The following PIGA variants were observed in gnomAD, a reference collection of about 807,000 sequenced individuals.
PIGA encodes the protein phosphatidylinositol N-acetylglucosaminyltransferase subunit A.
A neutral mutation model predicts 17.1 loss-of-function variants in PIGA; 3 were observed. The observed-to-expected ratio is 0.18, with a 90% confidence interval of 0.08 to 0.45. The LOEUF is 0.45. PIGA is among the 20% of genes least tolerant of loss of function. The pLI, the probability that PIGA is intolerant of heterozygous loss-of-function variation, is 0.99. For missense variants in PIGA, 231 were observed against 374.1 expected, an observed-to-expected ratio of 0.62 and a Z score of 3.16; for synonymous variants, 126 against 135.1, an observed-to-expected ratio of 0.93 and a Z score of 0.47.
rs1285564133 is a variant in PIGA at position 15,320,336 on chromosome X, T to C, written c.*1170A>G. 8.9e-6 allele frequency: 1 copy of C among 112,360 alleles called. No homozygotes were observed. Among genetic ancestry groups the C allele is most frequent in the African/African-American group, 3.2e-5 (1 of 30,887 alleles). 9.3% of individuals were successfully genotyped at this position (112,360 alleles called of 1,213,427 possible). On this transcript the variant is annotated 3_prime_UTR_variant, in exon 6 of 6. Coordinates refer to ENST00000333590, the MANE Select transcript of PIGA (RefSeq NM_002641.4). ...CATAATACACACCATGTGGATAATT[T>C]GGGGTTAAAAAACCCATGGCTCTGG...
At position 15,321,339 on chromosome X, in the gene PIGA, G is replaced by A; in HGVS notation, c.*167C>T. 1 of 433,748 alleles carries A rather than the reference G, an allele frequency of 2.3e-6. No individual in the cohort carries two copies. Among genetic ancestry groups the A allele is most frequent in the Non-Finnish European group, 4.0e-6 (1 of 251,888 alleles). The allele number at this position is 433,748 out of a possible 1,213,427, so 35.7% of individuals were successfully genotyped here. ...CAAGAAGTTTCTACACTCAGGAATT[G>A]CATACATTTTTATCTTTCCTCAACA... On this transcript the variant is annotated 3_prime_UTR_variant, in exon 6 of 6. Coordinates refer to ENST00000333590, the MANE Select transcript of PIGA (RefSeq NM_002641.4).
chrX:15,335,552 G>A, upstream of PIGA: 1 of 957,084 alleles, frequency 1.0e-6, no homozygotes, highest in East Asian at 4.1e-5. Context: ...TGCAGCCGGA[G>A]TCCCTCCCTG....
intron 2 of PIGA, among the ~76,000 whole-genome samples, chrX:15,330,610 T>C (rs1322365627): frequency 8.9e-6 from 1 of 112,107 alleles, no homozygotes; most frequent in East Asian, 2.8e-4. Flanking sequence ...TACTTCTTTT[T>C]TTTTTCTTTA....
intron 2 of PIGA, among the ~76,000 whole-genome samples, chrX:15,329,335 C>A (rs919766325): frequency 8.9e-6 from 1 of 112,299 alleles, no homozygotes; most frequent in African/African-American, 3.2e-5. Flanking sequence ...GAAAAAAGTT[C>A]TTGGCAGATG....
intron 5 of PIGA, among the ~76,000 whole-genome samples, chrX:15,322,097 G>T (rs986558809): frequency 9.0e-6 from 1 of 111,410 alleles, no homozygotes; most frequent in Non-Finnish European, 1.9e-5. Context: ...CCAAAGTCCC[G>T]CAAAGTCTGA....
chrX:15,333,541 C>T (rs1452855799), intron 1 of PIGA, among the ~76,000 whole-genome samples: 3 of 111,281 alleles, frequency 2.7e-5, no homozygotes, highest in Non-Finnish European at 5.7e-5. Flanking sequence ...ATTAGCTGGG[C>T]GTGGTGGTGC....
Position 15,320,898 on chromosome X carries a change from TA to T in PIGA, c.*607del. ...AAAGAGTGAATGCACCCCTGGTCCT[TA>T]ATGGCGGGAAGCATCTAGTTCAACA... On this transcript the variant is annotated 3_prime_UTR_variant, in exon 6 of 6. Transcript: ENST00000333590. 9.0e-6 allele frequency: 1 copy of T among 111,445 alleles called. No individual in the cohort carries two copies. 9.2% of individuals were successfully genotyped at this position (111,445 alleles called of 1,213,427 possible).
intron 5 of PIGA, among the ~76,000 whole-genome samples, chrX:15,322,715 C>G (rs1921854218): frequency 9.0e-6 from 1 of 111,703 alleles, no homozygotes; most frequent in African/African-American, 3.3e-5. Flanking sequence ...TCATCGAGCT[C>G]TTTTACCCTG....
At chrX:15,330,533 A>T (rs34315787) in intron 2 of PIGA, among the ~76,000 whole-genome samples, 13,079 of 112,089 alleles carry the variant, frequency 0.12, 832 homozygotes, top group African/African-American at 0.24. Context: ...AGTTTCCAAA[A>T]TATCTGCAAT....
At chrX:15,326,151 T>A (rs1264192801) in intron 2 of PIGA, 105 bp from the exon 3 acceptor site, 1 of 478,679 alleles carries the variant, frequency 2.1e-6, no homozygotes, top group Non-Finnish European at 3.4e-6. Flanking sequence ...AGCTATGCAC[T>A]CCATAAAGGA....
Position 15,321,738 on chromosome X carries a change from G to C in PIGA, c.1223C>G (p.Pro408Arg). ...AAGTCTGTCCAGTCGTTTGTCCATTGGCAACACAGCTTCCACTGATACCCG... is the reference window on the plus strand; with the variant it reads ...AAGTCTGTCCAGTCGTTTGTCCATTCGCAACACAGCTTCCACTGATACCCG... ...YDRVSVEAVLPMDKRLDRLIS... is the reference protein window; with the variant it reads ...YDRVSVEAVLRMDKRLDRLIS... The change falls in exon 6 of 6, where the codon CCA (proline) becomes CGA (arginine). Residue 408 changes from proline (P) to arginine (R), a missense_variant. Around this residue, in one of 5 missense-constraint regions of PIGA, gnomAD observed 88 missense variants for 100.5 expected, o/e 0.88. Transcript: ENST00000333590. The C allele has an allele frequency of 1.7e-6, 2 of 1,209,743 alleles. No homozygotes were observed. The highest frequency in any genetic ancestry group is 2.2e-6 in the Non-Finnish European group (2 of 893,698).
In PIGA at chrX:15,320,006, T is replaced by G. The variant is rs1466498211; in HGVS notation, c.*1500A>C. The G allele has an allele frequency of 8.9e-6, 1 of 112,516 alleles. No homozygotes were observed. Among genetic ancestry groups the G allele is most frequent in the African/African-American group, 3.2e-5 (1 of 30,951 alleles). 9.3% of individuals were successfully genotyped at this position (112,516 alleles called of 1,213,427 possible). The stretch of plus-strand genomic sequence containing the variant: ...CTATGCATAAAAATCCCAGTAAGAC[T>G]GAATAGTTTAAAGATCAGTCCATTT... On this transcript the variant is annotated 3_prime_UTR_variant, in exon 6 of 6. Coordinates refer to ENST00000333590, the MANE Select transcript of PIGA (RefSeq NM_002641.4).
rs1922151721 is a variant in PIGA at position 15,331,430 on chromosome X, T to C, written c.501A>G (p.Thr167=). Residue 167 remains threonine, a synonymous_variant, in exon 2 of 6, where the codon ACA becomes ACG. Transcript: ENST00000333590. ...FGFADVSSVL[T]NKLLTVSLCD... ...AAAGAGACACGGTTAGAAGCTTGTT[T>C]GTAAGCACCGAGCTGACATCAGCAA... 8.3e-7 allele frequency: 1 copy of C among 1,209,639 alleles called. No homozygotes were observed. The highest frequency in any genetic ancestry group is 2.2e-5 in the Admixed American group (1 of 45,871).
chrX:15,325,601 T>C (rs1921946270), intron 3 of PIGA: 1 of 173,312 alleles, frequency 5.8e-6, no homozygotes, highest in Admixed American at 7.7e-5. Flanking sequence ...ATTACTTAAA[T>C]CACTACACAG....
intron 1 of PIGA, among the ~76,000 whole-genome samples, chrX:15,333,544 G>A (rs1287287950): frequency 1.8e-5 from 2 of 111,688 alleles, no homozygotes; most frequent in African/African-American, 6.5e-5. Flanking sequence ...AGCTGGGCGT[G>A]GTGGTGCCTG....
At chrX:15,330,072 T>A (rs1215341355) in intron 2 of PIGA, among the ~76,000 whole-genome samples, 1 of 99,254 alleles carries the variant, frequency 1.0e-5, no homozygotes, top group Admixed American at 1.1e-4. Flanking sequence ...GGGGTGACAG[T>A]GCGAGACTCC....
chrX:15,326,699 T>C (rs181883852), intron 2 of PIGA, among the ~76,000 whole-genome samples: 134 of 111,936 alleles, frequency 1.2e-3, no homozygotes, highest in African/African-American at 3.5e-3. Flanking sequence ...CCCACTTTCC[T>C]GGAATGAGGG....
chrX:15,326,570 G>GA (rs1469173000), intron 2 of PIGA, among the ~76,000 whole-genome samples: 1 of 112,188 alleles, frequency 8.9e-6, no homozygotes, highest in African/African-American at 3.2e-5. Context: ...ACTGCCACAG[G>GA]AAAAGGCTAA....
At position 15,320,005 on chromosome X, in the gene PIGA, C is replaced by A. The variant is rs1173748903; in HGVS notation, c.*1501G>T. 2 of 112,342 alleles carry A rather than the reference C, an allele frequency of 1.8e-5. No individual in the cohort carries two copies. The highest frequency in any genetic ancestry group is 3.2e-5 in the African/African-American group (1 of 30,904). The allele number at this position is 112,342 out of a possible 1,213,427, so 9.3% of individuals were successfully genotyped here. A position where few individuals can be genotyped will look rare whatever the true frequency, so the allele number is the denominator to read the frequency against. ...TCTATGCATAAAAATCCCAGTAAGA[C>A]TGAATAGTTTAAAGATCAGTCCATT... On this transcript the variant is annotated 3_prime_UTR_variant, in exon 6 of 6. Coordinates refer to ENST00000333590, the MANE Select transcript of PIGA (RefSeq NM_002641.4).
Sources: allele counts gnomAD v4.1 joint callset (sites outside exome capture counted in the v4.1 genomes callset), GRCh38; gene constraint gnomAD v4.1.1; regional missense constraint gnomAD v4.1.1; transcripts MANE v1.5; gene names NCBI Gene and HGNC (gene_info 2026-07-23, HGNC 2026-07-21).